Variants in KIAA1217 observed in about 807,000 individuals in gnomAD.
KIAA1217 encodes KIAA1217.
In KIAA1217, 88 loss-of-function variants were observed where a neutral mutation model predicts 163.9. The ratio of observed to expected loss-of-function variants is 0.54; its 90% CI spans 0.45 to 0.64. KIAA1217 has a LOEUF of 0.64. Ranked by LOEUF, KIAA1217 falls within the 30% of genes least tolerant of loss-of-function variation. The probability of loss-of-function intolerance (pLI) is 0.00; values close to 1 mark genes in which losing one functional copy is unlikely to be tolerated. For synonymous variants in KIAA1217, 903 were observed against 923.1 expected (o/e 0.98, Z 0.39); for missense variants, 2,372 against 2,475.0 (o/e 0.96, Z 0.88).
rs536271131 is a variant in KIAA1217 at position 24,231,434 on chromosome 10, G to A, written c.354+11525G>A. On this transcript the variant is annotated intron_variant, in intron 2 of 20. Coordinates refer to ENST00000376454, the MANE Select transcript of KIAA1217 (RefSeq NM_019590.5). ...GCACTGCACGTGAAAGGAGTATGGT[G>A]TCATAACAGAATCACAAGTCATAGC... Among the ~76,000 whole-genome samples, 33 of 152,322 alleles carry A rather than the reference G, an allele frequency of 2.2e-4. 1 individual carries two copies. Among genetic ancestry groups the A allele is most frequent in the Admixed American group, 2.6e-4 (4 of 15,302 alleles).
At chr10:24,235,483 G>A (rs572636446) in intron 2 of KIAA1217, among the ~76,000 whole-genome samples, 11 of 152,310 alleles carry the variant, frequency 7.2e-5, no homozygotes, top group African/African-American at 2.2e-4. Context: ...CTTGACTTAC[G>A]AAATGTATAT....
At position 24,544,492 on chromosome 10, in the gene KIAA1217, C is replaced by A; in HGVS notation, c.5211+11C>A. Reference sequence around the variant, plus strand: ...TCAGCTTCACGTAAGGTATCTTGGTCTGCTGGAAAATGAAAAGACCCAGCT... The same window carrying A: ...TCAGCTTCACGTAAGGTATCTTGGTATGCTGGAAAATGAAAAGACCCAGCT... On this transcript the variant is annotated intron_variant, in intron 19 of 20. Transcript: ENST00000376454. 3.1e-6 allele frequency: 5 copies of A among 1,589,342 alleles called. No homozygotes were observed. Among genetic ancestry groups the A allele is most frequent in the South Asian group, 1.1e-5 (1 of 88,616 alleles).
At chr10:24,143,329 C>T (rs375137474) in intron 2 of KIAA1217, among the ~76,000 whole-genome samples, 25 of 152,248 alleles carry the variant, frequency 1.6e-4, no homozygotes, top group East Asian at 7.7e-4. Context: ...TGGAGTGGCA[C>T]GATCTCAACT....
At chr10:23,732,140 T>C (rs1838511859) in intron 1 of KIAA1217, among the ~76,000 whole-genome samples, 1 of 152,118 alleles carries the variant, frequency 6.6e-6, no homozygotes, top group Non-Finnish European at 1.5e-5. Flanking sequence ...TTGTATTTTC[T>C]GAAAGAGATT....
Position 23,818,060 on chromosome 10 carries a change from CATATATATAT to C in KIAA1217, c.-321+122828_-321+122837del, listed in dbSNP as rs753088348. On this transcript the variant is annotated intron_variant, in intron 1 of 18. Transcript: ENST00000376462. ...ATACATATATATACACATATATATA[CATATATATAT>C]ACACACACACATATAGATATACATA... 1.8e-4 allele frequency among the ~76,000 whole-genome samples: 15 copies of C among 83,928 alleles called. 1 individual carries two copies. Among genetic ancestry groups the C allele is most frequent in the African/African-American group, 6.6e-4 (11 of 16,690 alleles). The allele number at this position is 83,928 out of a possible 152,430, so 55.1% of individuals were successfully genotyped here.
intron 3 of KIAA1217, among the ~76,000 whole-genome samples, chr10:24,427,140 G>C (rs1337536747): frequency 6.6e-6 from 1 of 152,074 alleles, no homozygotes; most frequent in African/African-American, 2.4e-5. Flanking sequence ...GGGGGACACT[G>C]AGCATTGCAA....
Position 24,438,550 on chromosome 10 carries a change from G to C in KIAA1217, c.846+71G>C, listed in dbSNP as rs1206734868. 6 of 989,148 alleles carry C rather than the reference G, an allele frequency of 6.1e-6. No individual in the cohort carries two copies. In the Admixed American group the frequency reaches 8.6e-5, roughly 14 times the overall value. The allele number at this position is 989,148 out of a possible 1,614,324, so 61.3% of individuals were successfully genotyped here. On this transcript the variant is annotated intron_variant, in intron 5 of 20. Transcript: ENST00000376454. ...CGTCCCTCCTCTTGCTTGTACTCCT[G>C]ATGTAATCAGAACTCTACAACTGAG...
intron 1 of KIAA1217, among the ~76,000 whole-genome samples, chr10:23,726,710 A>C (rs1035255740): frequency 2.0e-5 from 3 of 151,358 alleles, no homozygotes; most frequent in Non-Finnish European, 3.0e-5. Context: ...CAAGAAAAAA[A>C]CAAACAACCC....
At chr10:24,232,804 C>T (rs1166872591) in intron 2 of KIAA1217, among the ~76,000 whole-genome samples, 3 of 151,700 alleles carry the variant, frequency 2.0e-5, no homozygotes, top group African/African-American at 4.8e-5. Context: ...ATCTACATTT[C>T]GAGGTTGGCA....
chr10:24,455,080 C>A (rs1281649797), intron 5 of KIAA1217, among the ~76,000 whole-genome samples: 1 of 151,952 alleles, frequency 6.6e-6, no homozygotes, highest in Non-Finnish European at 1.5e-5. Context: ...TTAATCTGAC[C>A]ATTTTAAGAC....
intron 2 of KIAA1217, among the ~76,000 whole-genome samples, chr10:24,039,236 C>T (rs909359844): frequency 6.6e-6 from 1 of 152,050 alleles, no homozygotes; most frequent in Non-Finnish European, 1.5e-5. Flanking sequence ...CACTCCACCC[C>T]CACCCCAGCA....
intron 2 of KIAA1217, among the ~76,000 whole-genome samples, chr10:24,097,589 G>T (rs945630338): frequency 6.6e-6 from 1 of 152,072 alleles, no homozygotes; most frequent in Non-Finnish European, 1.5e-5. Context: ...GAAAAGAAAA[G>T]AAGAGTCTGG....
chr10:24,320,231 C>T (rs2043960739), intron 2 of KIAA1217, among the ~76,000 whole-genome samples: 1 of 152,166 alleles, frequency 6.6e-6, no homozygotes. Flanking sequence ...AAACAAATTT[C>T]TAATTACACT....
chr10:24,207,592 A>G (rs918859863), upstream of KIAA1217, among the ~76,000 whole-genome samples: 4 of 152,242 alleles, frequency 2.6e-5, no homozygotes, highest in African/African-American at 9.6e-5. Context: ...AGAGACCTTA[A>G]GTTATCTGCC....
chr10:24,513,264 G>C lies in KIAA1217; in HGVS notation c.2007G>C (p.Gln669His). ...TGATTTTTTTGTGTTCACAGCTGCA[G>C]AACCAGGAGTTGCTGAGGGCAATGA... is the stretch of plus-strand genomic sequence containing the variant. ...QLQQMRQLQL[Q>H]NQELLRAMMK... is the part of the protein sequence containing the mutation. The change falls in exon 10 of 21, where the codon CAG (glutamine) becomes CAC (histidine). Residue 669 changes from glutamine (Q) to histidine (H), a missense_variant. By Grantham distance (24) the Gln-to-His change is conservative (BLOSUM62 0). This residue lies in a region of KIAA1217 where 1,431 missense variants were observed against 1,470.3 expected (regional missense o/e 0.97). Coordinates refer to ENST00000376454, the MANE Select transcript of KIAA1217 (RefSeq NM_019590.5). The C allele has an allele frequency of 6.2e-7, 1 of 1,613,976 alleles. No homozygotes were observed. Among genetic ancestry groups the C allele is most frequent in the Non-Finnish European group, 8.5e-7 (1 of 1,179,980 alleles).
rs1417043495 is a variant in KIAA1217 at position 24,123,483 on chromosome 10, C to G, written c.-170-96143C>G. 2.6e-5 allele frequency among the ~76,000 whole-genome samples: 4 copies of G among 152,158 alleles called. No individual in the cohort carries two copies. The East Asian group carries it at 7.7e-4, about 29-fold the overall frequency. On this transcript the variant is annotated intron_variant, in intron 2 of 18. Coordinates refer to the KIAA1217 transcript ENST00000376462. Reference sequence around the variant, plus strand: ...CTTGTACACGTCTTTTATGTATGTGCTAGAATTTCTTGAGGGAAATTTTCT... The same window carrying G: ...CTTGTACACGTCTTTTATGTATGTGGTAGAATTTCTTGAGGGAAATTTTCT...
At chr10:23,970,050 G>A (rs1484194366) in intron 1 of KIAA1217, among the ~76,000 whole-genome samples, 6 of 152,166 alleles carry the variant, frequency 3.9e-5, no homozygotes, top group Admixed American at 2.0e-4. Flanking sequence ...CCCGTGATTC[G>A]ATTATCTCCC....
At chr10:24,304,231 A>G (rs1175686459) in intron 2 of KIAA1217, among the ~76,000 whole-genome samples, 4 of 137,010 alleles carry the variant, frequency 2.9e-5, no homozygotes, top group African/African-American at 8.4e-5. Flanking sequence ...TTGCCTGACC[A>G]TAGTACTTAA....
intron 1 of KIAA1217, among the ~76,000 whole-genome samples, chr10:23,766,466 A>G (rs879505172): frequency 1.3e-5 from 2 of 152,230 alleles, no homozygotes; most frequent in African/African-American, 2.4e-5. Context: ...TTAGGTTTAC[A>G]AATGTCATTT....
Sources: gnomAD v4.1 joint callset for allele counts (sites outside exome capture counted in the v4.1 genomes callset) on GRCh38, gnomAD v4.1.1 for gene constraint, gnomAD v4.1.1 regional missense constraint, MANE v1.5 for transcripts, NCBI Gene and HGNC (gene_info 2026-07-23, HGNC 2026-07-21) for gene names.